FER: variants seen among roughly 807,000 people sequenced by gnomAD.
The protein encoded by FER is tyrosine-protein kinase Fer.
A neutral mutation model predicts 111.0 loss-of-function variants in FER; 63 were observed. The observed-to-expected ratio is 0.57, with a 90% CI of 0.46 to 0.70. FER has a LOEUF of 0.70. FER is among the 30% of genes least tolerant of loss of function. The pLI is 0.00. For synonymous variants in FER, 327 were observed against 313.9 expected, an observed-to-expected ratio of 1.04 and a Z score of -0.44; for missense variants, 914 against 954.0, an observed-to-expected ratio of 0.96 and a Z score of 0.55.
chr5:109,126,797 C>G (rs1331514612), intron 17 of FER, among the ~76,000 whole-genome samples: 1 of 152,128 alleles, frequency 6.6e-6, no homozygotes, highest in East Asian at 1.9e-4. Context: ...TATACACTAG[C>G]TTTGATAAAT....
At chr5:109,082,934 A>C (rs372447245) in intron 16 of FER, among the ~76,000 whole-genome samples, 1 of 152,088 alleles carries the variant, frequency 6.6e-6, no homozygotes, top group East Asian at 1.9e-4. Context: ...TTTCTATTCT[A>C]AATGCTAAGC....
intron 10 of FER, among the ~76,000 whole-genome samples, chr5:108,943,158 C>CT (rs1259191615): frequency 6.6e-6 from 1 of 152,098 alleles, no homozygotes; most frequent in Non-Finnish European, 1.5e-5. Context: ...CGAACTGTGA[C>CT]TAACTGCTCC....
intron 13 of FER, among the ~76,000 whole-genome samples, chr5:108,999,131 T>A (rs1179811929): frequency 1.3e-5 from 2 of 152,162 alleles, no homozygotes; most frequent in Non-Finnish European, 2.9e-5. Flanking sequence ...CTTCCTTGAT[T>A]CTATGTTTTT....
At chr5:108,987,520 C>G (rs377743027) in intron 13 of FER, among the ~76,000 whole-genome samples, 1 of 152,038 alleles carries the variant, frequency 6.6e-6, no homozygotes, top group African/African-American at 2.4e-5. Context: ...AGGTATATTC[C>G]TAAATTTTAT....
intron 3 of FER, among the ~76,000 whole-genome samples, chr5:108,811,982 C>G (rs1015772794): frequency 7.2e-5 from 11 of 152,190 alleles, no homozygotes; most frequent in African/African-American, 2.7e-4. Flanking sequence ...TCTGGAAACA[C>G]CCTCAAAGAC....
intron 17 of FER, among the ~76,000 whole-genome samples, chr5:109,122,876 A>T (rs971633128): frequency 2.0e-5 from 3 of 152,224 alleles, no homozygotes; most frequent in African/African-American, 7.2e-5. Context: ...TGATGTAAGT[A>T]TAGCTACCTT....
chr5:108,946,215 C>G lies in FER; in HGVS notation c.1322C>G (p.Ser441Cys). ...IIRSPKSALGSSALSDMISIS... is the reference protein window; with the variant it reads ...IIRSPKSALGCSALSDMISIS... ...AGGTCTCCAAAATCTGCACTGGGCT[C>G]TTCAGCAGTAAGTAGGATTAACTCT... Residue 441 changes from serine (S) to cysteine (C), a missense_variant, in exon 11 of 20, where the codon TCT (serine) becomes TGT (cysteine). Ser to Cys is a moderately radical substitution (Grantham distance 112). This residue lies in a region of FER where 774 missense variants were observed against 782.6 expected (regional missense o/e 0.99). Transcript: ENST00000281092. 1 of 1,609,786 alleles carries G rather than the reference C, an allele frequency of 6.2e-7. No homozygotes were observed. Among genetic ancestry groups the G allele is most frequent in the Non-Finnish European group, 8.5e-7 (1 of 1,176,964 alleles).
intron 8 of FER, among the ~76,000 whole-genome samples, chr5:108,873,713 C>G: frequency 6.6e-6 from 1 of 152,166 alleles, no homozygotes; most frequent in Admixed American, 6.5e-5. Flanking sequence ...TGTCAGCCAT[C>G]TCTAAACCAG....
chr5:108,869,356 C>A (rs965226698), intron 6 of FER, among the ~76,000 whole-genome samples: 2 of 152,066 alleles, frequency 1.3e-5, no homozygotes, highest in African/African-American at 4.8e-5. Flanking sequence ...TCTGACTAAC[C>A]CTGCACTCTC....
rs533799180 is a variant in FER, at chr5:108,872,929, G to A, written c.923+717G>A. Among the ~76,000 whole-genome samples the A allele has an allele frequency of 2.0e-5, 3 of 152,144 alleles. No individual in the cohort carries two copies. In the South Asian group the frequency reaches 6.2e-4, roughly 32 times the overall value. On this transcript the variant is annotated intron_variant, in intron 8 of 19. Transcript: ENST00000281092. ...CAGAACCACAGCTATAAATGATTAT[G>A]CACTCATTGCTCCTCAATGTTAGAC...
intron 17 of FER, among the ~76,000 whole-genome samples, chr5:109,163,151 T>C (rs1258619126): frequency 3.9e-5 from 6 of 152,154 alleles, no homozygotes; most frequent in Admixed American, 3.9e-4. Flanking sequence ...ATATGCAGTA[T>C]GTTTTGTTCT....
Position 109,044,707 on chromosome 5 carries a change from A to G in FER, c.1741A>G (p.Thr581Ala), listed in dbSNP as rs1230910952. Residue 581 changes from threonine to alanine, a missense_variant, in exon 15 of 20, where the codon ACA becomes GCA. Transcript: ENST00000281092. ...AAATTTTGGTGAAGTATATAAGGGC[A>G]CATTAAAGGATAAAACTTCTGTTGC... ...KGNFGEVYKGTLKDKTSVAVK... is the reference protein window; with the variant it reads ...KGNFGEVYKGALKDKTSVAVK... 2 of 1,583,256 alleles carry G rather than the reference A, an allele frequency of 1.3e-6. No homozygotes were observed. Among genetic ancestry groups the G allele is most frequent in the Non-Finnish European group, 1.7e-6 (2 of 1,166,470 alleles).
chr5:109,053,026 T>C (rs1773061288), intron 16 of FER, among the ~76,000 whole-genome samples: 1 of 152,224 alleles, frequency 6.6e-6, no homozygotes, highest in African/African-American at 2.4e-5. Flanking sequence ...GTCATGCAGG[T>C]ATTTCAAATA....
intron 16 of FER, among the ~76,000 whole-genome samples, chr5:109,074,699 A>G (rs556226372): frequency 6.6e-6 from 1 of 152,240 alleles, no homozygotes; most frequent in Non-Finnish European, 1.5e-5. Flanking sequence ...TAGAATCTTC[A>G]TGGAAATTGA....
At chr5:109,043,850 A>G (rs1771551243) in intron 14 of FER, among the ~76,000 whole-genome samples, 1 of 152,056 alleles carries the variant, frequency 6.6e-6, no homozygotes, top group Non-Finnish European at 1.5e-5. Flanking sequence ...GTGCGCCTGT[A>G]GTCCCAGCTA....
chr5:109,188,112 A>T lies in FER; in HGVS notation c.*537A>T. On this transcript the variant is annotated 3_prime_UTR_variant, in exon 20 of 20. Coordinates refer to ENST00000281092, the MANE Select transcript of FER (RefSeq NM_005246.4). ...TGAGATTTTTCTTTTCTTTCTTGCCAGGTATAAGCCCAATGTAAGAATCAT... is the reference window on the plus strand; with the variant it reads ...TGAGATTTTTCTTTTCTTTCTTGCCTGGTATAAGCCCAATGTAAGAATCAT... The T allele has an allele frequency of 6.5e-6, 1 of 153,460 alleles. No homozygotes were observed. Among genetic ancestry groups the T allele is most frequent in the African/African-American group, 2.4e-5 (1 of 41,414 alleles). The allele number at this position is 153,460 out of a possible 1,614,324, so 9.5% of individuals were successfully genotyped here.
chr5:108,887,098 A>G (rs1346326389), intron 9 of FER, among the ~76,000 whole-genome samples: 1 of 151,684 alleles, frequency 6.6e-6, no homozygotes, highest in Non-Finnish European at 1.5e-5. Context: ...TTTACTTCTC[A>G]ACACTTTGTT....
chr5:108,954,602 A>G (rs1048806670), intron 11 of FER, 127 bp from the exon 12 acceptor site: 3 of 693,356 alleles, frequency 4.3e-6, no homozygotes, highest in East Asian at 2.8e-5. Context: ...GGTTTATTGT[A>G]TAACTTTTAA....
intron 8 of FER, among the ~76,000 whole-genome samples, chr5:108,880,201 T>G (rs1011189839): frequency 2.0e-5 from 3 of 151,988 alleles, no homozygotes; most frequent in Non-Finnish European, 1.5e-5. Flanking sequence ...AGAAGAGAGA[T>G]GAATGGAAAA....
Sources: gnomAD v4.1 joint callset for allele counts (sites outside exome capture counted in the v4.1 genomes callset) on GRCh38, gnomAD v4.1.1 for gene constraint, gnomAD v4.1.1 regional missense constraint, MANE v1.5 for transcripts, NCBI Gene and HGNC (gene_info 2026-07-23, HGNC 2026-07-21) for gene names.